The following ACER1 variants were observed in gnomAD, a reference collection of about 807,000 sequenced individuals.
The protein encoded by ACER1 is alkaline ceramidase 1.
Under a neutral mutation model 24.9 loss-of-function variants are expected in ACER1, and 28 were observed. That is an observed-to-expected ratio of 1.13 (90% CI 0.83 to 1.54). The LOEUF is 1.54. Among genes scored for constraint, ACER1 ranks in the 40% most tolerant of loss-of-function variants. The pLI is 0.00. For synonymous variants in ACER1, 132 were observed against 131.4 expected (o/e 1.00, Z -0.03); for missense variants, 352 against 349.3 (o/e 1.01, Z -0.06).
At chr19:6,332,449 T>C (rs2091692561) in intron 1 of ACER1, among the ~76,000 whole-genome samples, 1 of 151,748 alleles carries the variant, frequency 6.6e-6, no homozygotes, top group Non-Finnish European at 1.5e-5. Flanking sequence ...TTTTAAAAAC[T>C]TTTTGTAGAG....
the ACER1 span, among the ~76,000 whole-genome samples, chr19:6,344,113 A>G: frequency 1.3e-5 from 2 of 152,104 alleles, no homozygotes; most frequent in African/African-American, 4.8e-5. Context: ...CCTAGTCAAC[A>G]TAGTAAAACC....
At chr19:6,324,891 G>GGAAGGAAGGAAA (rs879898844) in intron 1 of ACER1, among the ~76,000 whole-genome samples, 2 of 150,422 alleles carry the variant, frequency 1.3e-5, no homozygotes, top group Admixed American at 6.7e-5. Context: ...AAGGAAGGAA[G>GGAAGGAAGGAAA]GAAGGAAGGA....
upstream of ACER1, among the ~76,000 whole-genome samples, chr19:6,335,777 G>T (rs2091711905): frequency 6.6e-6 from 1 of 151,608 alleles, no homozygotes. Context: ...CTTGCAGCGA[G>T]CCAAAATTGC....
intron 4 of ACER1, 43 bp from the exon 5 acceptor site, chr19:6,307,333 G>A: frequency 1.2e-6 from 2 of 1,605,770 alleles, no homozygotes; most frequent in Non-Finnish European, 1.7e-6. Context: ...TCGGAGAGCA[G>A]CACCTGATGG....
At chr19:6,320,335 G>A (rs76180827) in intron 1 of ACER1, among the ~76,000 whole-genome samples, 9,939 of 151,940 alleles carry the variant, frequency 0.065, 364 homozygotes, top group East Asian at 0.12. Flanking sequence ...ATTAAAATGC[G>A]TATATCTCAC....
intron 1 of ACER1, 92 bp from the exon 2 acceptor site, chr19:6,312,591 G>C (rs1391180182): frequency 1.2e-5 from 12 of 964,656 alleles, no homozygotes; most frequent in Non-Finnish European, 2.0e-5. Flanking sequence ...CCAGCCAGTC[G>C]GTTACCTGCT....
chr19:6,320,009 C>T (rs1163633335), intron 1 of ACER1, among the ~76,000 whole-genome samples: 1 of 149,270 alleles, frequency 6.7e-6, no homozygotes, highest in Non-Finnish European at 1.5e-5. Flanking sequence ...ACTCAGGAGG[C>T]TGAAACAGGA....
At chr19:6,338,720 T>C in the ACER1 span, among the ~76,000 whole-genome samples, 1 of 152,084 alleles carries the variant, frequency 6.6e-6, no homozygotes, top group East Asian at 1.9e-4. Context: ...CCCAAGTAGC[T>C]GGGACTACAG....
the ACER1 span, among the ~76,000 whole-genome samples, chr19:6,359,079 A>T: frequency 6.6e-6 from 1 of 152,042 alleles, no homozygotes; most frequent in African/African-American, 2.4e-5. Context: ...AAAAAATTTT[A>T]AAATTAGCCA....
intron 1 of ACER1, among the ~76,000 whole-genome samples, chr19:6,323,186 C>G (rs910793011): frequency 6.6e-6 from 1 of 151,816 alleles, no homozygotes; most frequent in Non-Finnish European, 1.5e-5. Context: ...TTTGGGAGGC[C>G]AAGGCAGGCA....
At chr19:6,313,852 T>G (rs1233667714) in intron 1 of ACER1, among the ~76,000 whole-genome samples, 1 of 152,156 alleles carries the variant, frequency 6.6e-6, no homozygotes, top group Non-Finnish European at 1.5e-5. Context: ...CTGGCTACCC[T>G]TGAAGCCACC....
the ACER1 span, among the ~76,000 whole-genome samples, chr19:6,343,321 G>A: frequency 6.6e-6 from 1 of 152,164 alleles, no homozygotes; most frequent in Non-Finnish European, 1.5e-5. Context: ...CAGGCAAGTG[G>A]GAATTTAGCA....
rs190931896 is a variant in ACER1 at position 6,309,260 on chromosome 19, T to G, written c.488+437A>C. 2.5e-3 allele frequency among the ~76,000 whole-genome samples: 384 copies of G among 152,158 alleles called. 1 individual carries two copies. The highest frequency in any genetic ancestry group is 3.9e-3 in the Non-Finnish European group (268 of 67,992). ...TAGGGTGGATGCAGTGGCTCACACC[T>G]GTAATCCCAGCACTTTGGGAGGCTG... On this transcript the variant is annotated intron_variant, in intron 4 of 5. Coordinates refer to ENST00000301452, the MANE Select transcript of ACER1 (RefSeq NM_133492.3).
the ACER1 span, among the ~76,000 whole-genome samples, chr19:6,351,223 G>T: frequency 2.0e-5 from 3 of 151,784 alleles, no homozygotes; most frequent in African/African-American, 7.3e-5. Flanking sequence ...AAAATTAGCC[G>T]GGCCTGGTGG....
At chr19:6,316,968 C>CTTTTT (rs71174911) in intron 1 of ACER1, among the ~76,000 whole-genome samples, 31 of 117,212 alleles carry the variant, frequency 2.6e-4, no homozygotes, top group South Asian at 1.8e-3. Context: ...CCCTCCCCAT[C>CTTTTT]TTTTTTTTTT....
At chr19:6,313,304 A>G (rs2091590409) in intron 1 of ACER1, among the ~76,000 whole-genome samples, 1 of 151,982 alleles carries the variant, frequency 6.6e-6, no homozygotes, top group Non-Finnish European at 1.5e-5. Flanking sequence ...TATTTTTTGT[A>G]GAGAAGGGGT....
In ACER1 at chr19:6,326,699, T is replaced by C. The variant is rs1163621792; in HGVS notation, c.93+6760A>G. 5.3e-5 allele frequency among the ~76,000 whole-genome samples: 8 copies of C among 152,230 alleles called. No individual in the cohort carries two copies. The East Asian group carries it at 9.7e-4, about 18-fold the overall frequency. ...CCATGGGGCTGAAGAAATCTGTTTC[T>C]AATTCTGGGTCTCTTACAACCTGGG... On this transcript the variant is annotated intron_variant, in intron 1 of 5. Transcript: ENST00000301452.
intron 1 of ACER1, 65 bp from the exon 2 acceptor site, chr19:6,312,564 G>T: frequency 1.6e-6 from 2 of 1,285,084 alleles, no homozygotes; most frequent in Non-Finnish European, 2.3e-6. Flanking sequence ...GCTGCCCTCT[G>T]TCCAGACACT....
chr19:6,356,355 G>C, the ACER1 span, among the ~76,000 whole-genome samples: 3 of 149,210 alleles, frequency 2.0e-5, no homozygotes, highest in African/African-American at 7.6e-5. Context: ...AGGGTCCTCT[G>C]CCTAGGAAAA....
Sources: gnomAD v4.1 joint callset for allele counts (sites outside exome capture counted in the v4.1 genomes callset) on GRCh38, gnomAD v4.1.1 for gene constraint, MANE v1.5 for transcripts, NCBI Gene and HGNC (gene_info 2026-07-23, HGNC 2026-07-21) for gene names.